Variants in PXN observed in about 807,000 individuals in gnomAD.
PXN encodes the protein paxillin.
In PXN, 61 loss-of-function variants were observed where a neutral mutation model predicts 103.6. The observed-to-expected ratio is 0.59, with a 90% CI of 0.48 to 0.73. PXN has a LOEUF of 0.73. Ranked by LOEUF, PXN falls within the 30% of genes least tolerant of loss-of-function variation. The pLI is 0.00. For missense variants in PXN, 1,274 were observed against 1,460.3 expected, an observed-to-expected ratio of 0.87 and a Z score of 2.08; for synonymous variants, 562 against 607.8, an observed-to-expected ratio of 0.92 and a Z score of 1.11.
Position 120,223,721 on chromosome 12 carries a change from T to C in PXN, c.353A>G (p.Tyr118Cys), listed in dbSNP as rs1462251062. The C allele has an allele frequency of 1.3e-6, 2 of 1,582,322 alleles. No individual in the cohort carries two copies. The highest frequency in any genetic ancestry group is 1.7e-6 in the Non-Finnish European group (2 of 1,162,412). ...CSRVGEEEHVYSFPNKQKSAE... is the reference protein window; with the variant it reads ...CSRVGEEEHVCSFPNKQKSAE... ...CCTGGGCAGACTGGGGCAGTACCTG[T>C]AGACGTGCTCCTCCTCACCCACTCG... The change falls in exon 3 of 15, where the codon TAC becomes TGC. Residue 118 changes from tyrosine (Y) to cysteine (C), a missense_variant. Physicochemically the swap from Tyr to Cys is radical, Grantham distance 194. This residue lies in a region of PXN where 1,178 missense variants were observed against 1,309.0 expected (regional missense o/e 0.90). Transcript: ENST00000637617.
intron 1 of PXN, among the ~76,000 whole-genome samples, chr12:120,231,297 A>G (rs573134464): frequency 6.6e-6 from 1 of 152,348 alleles, no homozygotes; most frequent in South Asian, 2.1e-4. Context: ...TAAATCCAAG[A>G]TTCTGCTATT....
At position 120,224,239 on chromosome 12, in the gene PXN, G is replaced by A. The variant is rs767722707; in HGVS notation, c.152C>T (p.Pro51Leu). Residue 51 changes from proline (P) to leucine (L), a missense_variant, in exon 2 of 15, where the codon CCA becomes CTA. This residue lies in a region of PXN where 1,178 missense variants were observed against 1,309.0 expected (regional missense o/e 0.90). Transcript: ENST00000637617. The surrounding 1 kb of genome is among the most constrained non-coding windows in gnomAD (Gnocchi z 5.0). Reference protein sequence around the residue: ...QEIAVPPPVPPPPSSEALNGT... With the variant: ...QEIAVPPPVPLPPSSEALNGT... ...ATTGAGGGCCTCGCTGGACGGGGGT[G>A]GGGGGACGGGGGGTGGCACGGCAAT... 8 of 1,611,466 alleles carry A rather than the reference G, an allele frequency of 5.0e-6. No individual in the cohort carries two copies. Among genetic ancestry groups the A allele is most frequent in the East Asian group, 2.2e-5 (1 of 44,864 alleles).
At chr12:120,250,223 G>A in intron 1 of PXN, 1 of 976,094 alleles carries the variant, frequency 1.0e-6, no homozygotes, top group Non-Finnish European at 1.2e-6. Context: ...ACCTAAGGAA[G>A]AGGAATGTTC....
chr12:120,224,621 G>A lies in PXN; in HGVS notation c.14-244C>T. 1.5e-6 allele frequency: 1 copy of A among 683,294 alleles called. No homozygotes were observed. Among genetic ancestry groups the A allele is most frequent in the South Asian group, 1.5e-5 (1 of 66,572 alleles). The allele number at this position is 683,294 out of a possible 1,614,324, so 42.3% of individuals were successfully genotyped here. ...AAGTGCTCTAGAGGCGGGCTCTGGG[G>A]CTGCCCTGTGGGATCTCCTACCTCT... On this transcript the variant is annotated intron_variant, in intron 1 of 14. Coordinates refer to ENST00000637617, the MANE Select transcript of PXN (RefSeq NM_001385981.1). The surrounding 1 kb of genome is among the most constrained non-coding windows in gnomAD (Gnocchi z 5.0).
chr12:120,211,864 TC>T lies in PXN; in HGVS notation c.*449del, dbSNP rs916338025. On this transcript the variant is annotated 3_prime_UTR_variant, in exon 15 of 15. Transcript: ENST00000637617. Reference sequence around the variant, plus strand: ...GGCATTGTCTGGAGGGAGCCGGGTGTCCCCCAATAATCACAGAACAAAGACA... The same window carrying T: ...GGCATTGTCTGGAGGGAGCCGGGTGTCCCCAATAATCACAGAACAAAGACA... The T allele has an allele frequency of 8.0e-6, 4 of 502,902 alleles. No homozygotes were observed. Among genetic ancestry groups the T allele is most frequent in the Non-Finnish European group, 7.9e-6 (2 of 252,256 alleles). The allele number at this position is 502,902 out of a possible 1,614,324, so 31.2% of individuals were successfully genotyped here.
At position 120,220,664 on chromosome 12, in the gene PXN, A is replaced by T. The variant is rs1054657935; in HGVS notation, c.832-573T>A. ...TCCCTCAGGCCAGGCCCTGAATCCA[A>T]CTTACTTGCTTCTGACCATGGCTGC... On this transcript the variant is annotated intron_variant, in intron 6 of 14. Transcript: ENST00000637617. This position sits in a 1 kb window ranked among gnomAD's most constrained non-coding sequence, Gnocchi z 6.1. Among the ~76,000 whole-genome samples the T allele has an allele frequency of 5.3e-5, 8 of 152,138 alleles. No individual in the cohort carries two copies. Among genetic ancestry groups the T allele is most frequent in the African/African-American group, 1.4e-4 (6 of 41,440 alleles).
At position 120,221,796 on chromosome 12, in the gene PXN, T is replaced by C; in HGVS notation, c.696-38A>G. 1 of 1,528,680 alleles carries C rather than the reference T, an allele frequency of 6.5e-7. No homozygotes were observed. The highest frequency in any genetic ancestry group is 8.8e-7 in the Non-Finnish European group (1 of 1,136,082). 94.7% of individuals were successfully genotyped at this position (1,528,680 alleles called of 1,614,324 possible). A position where few individuals can be genotyped will look rare whatever the true frequency, so the allele number is the denominator to read the frequency against. ...CACAGCATCAGTGGGGAGCCCACAG[T>C]CAGCCCCACACTTCCCGGGGATCAG... On this transcript the variant is annotated intron_variant, in intron 5 of 14. Transcript: ENST00000637617. The surrounding 1 kb of genome is among the most constrained non-coding windows in gnomAD (Gnocchi z 6.6).
chr12:120,251,458 A>G (rs563044512), intron 1 of PXN, among the ~76,000 whole-genome samples: 5 of 152,096 alleles, frequency 3.3e-5, no homozygotes, highest in African/African-American at 9.6e-5. Context: ...TGGAGGCTGC[A>G]GTGAGCTGAG....
chr12:120,238,461 GC>G (rs1396368313), intron 1 of PXN, among the ~76,000 whole-genome samples: 1 of 152,218 alleles, frequency 6.6e-6, no homozygotes, highest in Admixed American at 6.5e-5. Context: ...ACCATGCCCA[GC>G]TGGCTATGCC....
chr12:120,223,799 G>C lies in PXN; in HGVS notation c.275C>G (p.Ala92Gly). 1 of 1,609,940 alleles carries C rather than the reference G, an allele frequency of 6.2e-7. No homozygotes were observed. Among genetic ancestry groups the C allele is most frequent in the Admixed American group, 1.7e-5 (1 of 59,430 alleles). ...AGGGTTGGAGACACTGGAAGTTTTG[G>C]CACTGGAGCCGTACACAGGTGATGA... ...QSSSPVYGSS[A>G]KTSSVSNPQD... The change falls in exon 3 of 15, where the codon GCC becomes GGC. Residue 92 changes from alanine to glycine, a missense_variant. Ala to Gly is a moderately conservative substitution (Grantham distance 60). Coordinates refer to ENST00000637617, the MANE Select transcript of PXN (RefSeq NM_001385981.1).
At position 120,224,565 on chromosome 12, in the gene PXN, A is replaced by T; in HGVS notation, c.14-188T>A. 1 of 704,818 alleles carries T rather than the reference A, an allele frequency of 1.4e-6. No individual in the cohort carries two copies. The highest frequency in any genetic ancestry group is 2.7e-5 in the East Asian group (1 of 37,424). 43.7% of individuals were successfully genotyped at this position (704,818 alleles called of 1,614,324 possible). A position where few individuals can be genotyped will look rare whatever the true frequency, so the allele number is the denominator to read the frequency against. The stretch of plus-strand genomic sequence containing the variant: ...CAGCCTAACCAAGAGCCGGCTCCCA[A>T]AGCTAACTTCTTCTGGCCACCCAGG... On this transcript the variant is annotated intron_variant, in intron 1 of 14. Coordinates refer to ENST00000637617, the MANE Select transcript of PXN (RefSeq NM_001385981.1). This position sits in a 1 kb window ranked among gnomAD's most constrained non-coding sequence, Gnocchi z 5.0.
intron 1 of PXN, among the ~76,000 whole-genome samples, chr12:120,254,504 T>C (rs893558694): frequency 6.6e-6 from 1 of 152,194 alleles, no homozygotes; most frequent in African/African-American, 2.4e-5. Context: ...TATGACAACA[T>C]GTTGTAAACC....
In PXN at chr12:120,235,479, A is replaced by G. The variant is rs554487441; in HGVS notation, c.14-11102T>C. On this transcript the variant is annotated intron_variant, in intron 1 of 14. Coordinates refer to ENST00000637617, the MANE Select transcript of PXN (RefSeq NM_001385981.1). Reference sequence around the variant, plus strand: ...ACTGCGCTGCCTGACTGCAGAGATCACCCATGTTCTTCCCAGGATGCCCCA... The same window carrying G: ...ACTGCGCTGCCTGACTGCAGAGATCGCCCATGTTCTTCCCAGGATGCCCCA... 1.8e-4 allele frequency among the ~76,000 whole-genome samples: 27 copies of G among 152,142 alleles called. No homozygotes were observed. In the East Asian group the frequency reaches 5.0e-3, roughly 28 times the overall value.
At chr12:120,231,220 G>C (rs1167063230) in intron 1 of PXN, among the ~76,000 whole-genome samples, 2 of 152,164 alleles carry the variant, frequency 1.3e-5, no homozygotes, top group Non-Finnish European at 2.9e-5. Context: ...CTAGTAGCAT[G>C]CTCTGAGGAG....
chr12:120,227,253 C>T (rs1887063349), intron 1 of PXN: 1 of 760,852 alleles, frequency 1.3e-6, no homozygotes, highest in Non-Finnish European at 1.6e-6. Context: ...ATAGTCCCAG[C>T]TATTCAGGAG....
At chr12:120,237,828 G>A (rs1889383143) in intron 1 of PXN, among the ~76,000 whole-genome samples, 1 of 152,116 alleles carries the variant, frequency 6.6e-6, no homozygotes, top group Non-Finnish European at 1.5e-5. Context: ...CCTGAATAAG[G>A]AGTGGTCTCA....
chr12:120,256,156 A>G (rs1279597178), intron 1 of PXN, among the ~76,000 whole-genome samples: 1 of 152,008 alleles, frequency 6.6e-6, no homozygotes, highest in Non-Finnish European at 1.5e-5. Context: ...CACACTTATA[A>G]TACCAGCACT....
rs187847786 is a variant in PXN at position 120,214,437 on chromosome 12, C to T, written c.2749-220G>A. 1.2e-3 allele frequency among the ~76,000 whole-genome samples: 180 copies of T among 152,302 alleles called. No homozygotes were observed. Among genetic ancestry groups the T allele is most frequent in the Middle Eastern group, 6.8e-3 (2 of 294 alleles). ...ACATACCCTCTCCTCTACTCCTCAC[C>T]CCAAGTAGAGGGCACAAGTTCTATG... On this transcript the variant is annotated intron_variant, in intron 12 of 14. Coordinates refer to ENST00000637617, the MANE Select transcript of PXN (RefSeq NM_001385981.1). This position sits in a 1 kb window ranked among gnomAD's most constrained non-coding sequence, Gnocchi z 5.0.
rs1024908757 is a variant in PXN at position 120,225,072 on chromosome 12, G to T, written c.14-695C>A. On this transcript the variant is annotated intron_variant, in intron 1 of 14. Coordinates refer to ENST00000637617, the MANE Select transcript of PXN (RefSeq NM_001385981.1). This position sits in a 1 kb window ranked among gnomAD's most constrained non-coding sequence, Gnocchi z 4.4. ...AAGCAGCCCGGCCCCAGAGGCTCCAGGCCCCCACTGTTCTGCTTTTAACAG... is the reference window on the plus strand; with the variant it reads ...AAGCAGCCCGGCCCCAGAGGCTCCATGCCCCCACTGTTCTGCTTTTAACAG... 3.9e-6 allele frequency: 1 copy of T among 257,040 alleles called. No individual in the cohort carries two copies. Among genetic ancestry groups the T allele is most frequent in the Admixed American group, 4.7e-5 (1 of 21,260 alleles). The allele number at this position is 257,040 out of a possible 1,614,324, so 15.9% of individuals were successfully genotyped here. A position where few individuals can be genotyped will look rare whatever the true frequency, so the allele number is the denominator to read the frequency against.
Sources: gnomAD v4.1 joint callset for allele counts (sites outside exome capture counted in the v4.1 genomes callset) on GRCh38, gnomAD v4.1.1 for gene constraint, gnomAD v4.1.1 regional missense constraint, Gnocchi (gnomAD v3.1) non-coding constraint, MANE v1.5 for transcripts, NCBI Gene and HGNC (gene_info 2026-07-23, HGNC 2026-07-21) for gene names.